The following ACSS3 variants were observed in gnomAD, a reference collection of about 807,000 sequenced individuals.
The protein encoded by ACSS3 is acyl-CoA synthetase short chain family member 3.
A neutral mutation model predicts 84.2 loss-of-function variants in ACSS3; 64 were observed. That is an observed-to-expected ratio of 0.76 (90% CI 0.62 to 0.94). ACSS3 has a LOEUF of 0.94. ACSS3 is among the 40% of genes least tolerant of loss of function. The pLI is 0.00. For synonymous variants in ACSS3, 317 were observed against 310.1 expected (o/e 1.02, Z -0.23); for missense variants, 815 against 867.6 (o/e 0.94, Z 0.76).
chr12:81,129,014 G>T (rs573691051), intron 2 of ACSS3, among the ~76,000 whole-genome samples: 2 of 152,222 alleles, frequency 1.3e-5, no homozygotes, highest in African/African-American at 4.8e-5. Flanking sequence ...AAAGAAAATC[G>T]TACTATTGAT....
At chr12:81,219,892 C>A in intron 10 of ACSS3, 121 bp from the exon 11 acceptor site, 2 of 512,352 alleles carry the variant, frequency 3.9e-6, no homozygotes, top group Non-Finnish European at 6.3e-6. Context: ...CATGGTCTCA[C>A]AGGAATTAAA....
intron 9 of ACSS3, among the ~76,000 whole-genome samples, chr12:81,209,930 A>G (rs2032521616): frequency 6.6e-6 from 1 of 152,206 alleles, no homozygotes; most frequent in Admixed American, 6.5e-5. Flanking sequence ...TAATTAGCAT[A>G]TAATGAGCAG....
In ACSS3 at chr12:81,179,271, CAA is replaced by C. The variant is rs71098127; in HGVS notation, c.1250+4349_1250+4350del. 5.6e-3 allele frequency among the ~76,000 whole-genome samples: 371 copies of C among 66,780 alleles called. 1 individual carries two copies. Among genetic ancestry groups the C allele is most frequent in the Non-Finnish European group, 8.3e-3 (305 of 36,814 alleles). The allele number at this position is 66,780 out of a possible 152,430, so 43.8% of individuals were successfully genotyped here. A position where few individuals can be genotyped will look rare whatever the true frequency, so the allele number is the denominator to read the frequency against. ...TGATGAAGACTCCAAAAGTAATTGC[CAA>C]AAAAAAAAAAAAAAAAGAAAAAGAA... On this transcript the variant is annotated intron_variant, in intron 8 of 15. Transcript: ENST00000548058.
chr12:81,128,686 A>G (rs1885279262), intron 2 of ACSS3, among the ~76,000 whole-genome samples: 2 of 152,294 alleles, frequency 1.3e-5, no homozygotes, highest in Non-Finnish European at 2.9e-5. Context: ...ACCTATATTA[A>G]AATATTTTCC....
At position 81,213,741 on chromosome 12, in the gene ACSS3, C is replaced by T. The variant is rs1158001531; in HGVS notation, c.1355-3160C>T. Among the ~76,000 whole-genome samples the T allele has an allele frequency of 8.5e-5, 10 of 117,334 alleles. No homozygotes were observed. The East Asian group carries it at 2.5e-3, about 29-fold the overall frequency. 77.0% of individuals were successfully genotyped at this position (117,334 alleles called of 152,430 possible). ...CCCTCCGCTCCCCTCCGCTCCCCTC[C>T]GCTCGGCTCCTCTCCTCTCCGCTCC... On this transcript the variant is annotated intron_variant, in intron 9 of 15. Transcript: ENST00000548058.
At chr12:81,208,788 C>T (rs2135920923) in intron 9 of ACSS3, among the ~76,000 whole-genome samples, 1 of 152,272 alleles carries the variant, frequency 6.6e-6, no homozygotes, top group Middle Eastern at 3.4e-3. Context: ...AGTACACTTG[C>T]CTCCCGCAAG....
chr12:81,110,869 C>T (rs545903634), intron 2 of ACSS3, among the ~76,000 whole-genome samples: 83 of 152,268 alleles, frequency 5.5e-4, no homozygotes, highest in Non-Finnish European at 9.6e-4. Flanking sequence ...TCTCCTTTTG[C>T]TTTTTGAACC....
chr12:81,240,128 T>A (rs904137451), intron 13 of ACSS3, among the ~76,000 whole-genome samples: 1 of 151,996 alleles, frequency 6.6e-6, no homozygotes, highest in Non-Finnish European at 1.5e-5. Flanking sequence ...TCCTTACTGA[T>A]TGTGTGCCCA....
At chr12:81,251,012 G>A (rs1364817737) in intron 13 of ACSS3, among the ~76,000 whole-genome samples, 2 of 152,052 alleles carry the variant, frequency 1.3e-5, no homozygotes, top group African/African-American at 2.4e-5. Flanking sequence ...CTTTCAGGTG[G>A]TTTTCCTATA....
chr12:81,091,890 C>G (rs1206857118), intron 1 of ACSS3, among the ~76,000 whole-genome samples: 1 of 151,962 alleles, frequency 6.6e-6, no homozygotes, highest in African/African-American at 2.4e-5. Flanking sequence ...CCTGAGTTCT[C>G]AAGAATTTAA....
chr12:81,185,226 A>G (rs1015096487), intron 8 of ACSS3, among the ~76,000 whole-genome samples: 1 of 151,782 alleles, frequency 6.6e-6, no homozygotes, highest in Non-Finnish European at 1.5e-5. Flanking sequence ...AGACTTTATG[A>G]AAAACCTACA....
intron 13 of ACSS3, among the ~76,000 whole-genome samples, chr12:81,241,143 T>A (rs980778570): frequency 6.6e-6 from 1 of 152,004 alleles, no homozygotes; most frequent in Non-Finnish European, 1.5e-5. Flanking sequence ...ATTTCATCCA[T>A]GTCTGTACAA....
intron 3 of ACSS3, among the ~76,000 whole-genome samples, chr12:81,136,369 T>G (rs1296342364): frequency 6.6e-6 from 1 of 152,146 alleles, no homozygotes; most frequent in Non-Finnish European, 1.5e-5. Flanking sequence ...AAAAGCATCC[T>G]TAGACAACAT....
chr12:81,090,281 T>C (rs569573196), intron 1 of ACSS3, among the ~76,000 whole-genome samples: 1 of 152,134 alleles, frequency 6.6e-6, no homozygotes, highest in Non-Finnish European at 1.5e-5. Flanking sequence ...AATCTTGTTT[T>C]CTTTTAAGCA....
rs780255755 is a variant in ACSS3 at position 81,233,444 on chromosome 12, C to T, written c.1692C>T (p.His564=). Residue 564 remains histidine (H), a synonymous_variant, in exon 13 of 16, where the codon CAC becomes CAT. Coordinates refer to ENST00000548058, the MANE Select transcript of ACSS3 (RefSeq NM_024560.4). ...ATGATGTAATAAATGTTGCAGGTCA[C>T]AGAATTTCTGCAGGCGCCATTGAAG... ...RVDDVINVAG[H]RISAGAIEES... is the part of the protein sequence containing the mutation. 1 of 1,610,926 alleles carries T rather than the reference C, an allele frequency of 6.2e-7. No homozygotes were observed. The highest frequency in any genetic ancestry group is 8.5e-7 in the Non-Finnish European group (1 of 1,177,904).
intron 1 of ACSS3, among the ~76,000 whole-genome samples, chr12:81,095,284 T>A (rs1881962822): frequency 6.6e-6 from 1 of 152,232 alleles, no homozygotes; most frequent in Non-Finnish European, 1.5e-5. Context: ...TGAAAAGGAC[T>A]GACTGATGAA....
At chr12:81,142,655 C>A (rs1886148033) in intron 4 of ACSS3, among the ~76,000 whole-genome samples, 1 of 151,952 alleles carries the variant, frequency 6.6e-6, no homozygotes, top group African/African-American at 2.4e-5. Context: ...CTCCTAAAGG[C>A]CATTGTATGA....
At chr12:81,108,369 C>A (rs939478671) in intron 1 of ACSS3, among the ~76,000 whole-genome samples, 1 of 151,914 alleles carries the variant, frequency 6.6e-6, no homozygotes, top group Non-Finnish European at 1.5e-5. Context: ...ACCTCCACCT[C>A]CTGGGTTCAA....
At chr12:81,226,439 T>C (rs1428189879) in intron 11 of ACSS3, among the ~76,000 whole-genome samples, 2 of 151,852 alleles carry the variant, frequency 1.3e-5, no homozygotes, top group Admixed American at 1.3e-4. Flanking sequence ...ATTTCTGTAA[T>C]TACCTAGCTA....
Sources: allele counts gnomAD v4.1 joint callset (sites outside exome capture counted in the v4.1 genomes callset), GRCh38; gene constraint gnomAD v4.1.1; transcripts MANE v1.5; gene names NCBI Gene and HGNC (gene_info 2026-07-23, HGNC 2026-07-21).